The following RBP2 variants were observed in gnomAD, a reference collection of about 807,000 sequenced individuals.
RBP2 encodes the protein retinol-binding protein 2.
In RBP2, 17 loss-of-function variants were observed where a neutral mutation model predicts 17.0. The ratio of observed to expected loss-of-function variants is 1.00; its 90% confidence interval spans 0.68 to 1.50. RBP2 has a LOEUF of 1.50. Ranked by LOEUF, RBP2 falls within the 40% of genes most tolerant of loss-of-function variation. RBP2 has a pLI of 0.00. For missense variants in RBP2, 158 were observed against 168.2 expected (o/e 0.94, Z 0.33); for synonymous variants, 48 against 57.1 (o/e 0.84, Z 0.72).
chr3:139,468,739 C>T (rs558699919), intron 1 of RBP2, among the ~76,000 whole-genome samples: 2 of 152,092 alleles, frequency 1.3e-5, no homozygotes, highest in South Asian at 4.1e-4. Context: ...AATTATTTTC[C>T]TGGTATGGTA....
intron 1 of RBP2, among the ~76,000 whole-genome samples, chr3:139,474,067 T>C (rs1933649343): frequency 6.6e-6 from 1 of 152,236 alleles, no homozygotes; most frequent in African/African-American, 2.4e-5. Flanking sequence ...ACTTGCTCAT[T>C]AGAGTGAAAT....
At position 139,454,799 on chromosome 3, in the gene RBP2, A is replaced by T. The variant is rs1281373267; in HGVS notation, c.284T>A (p.Val95Glu). The T allele has an allele frequency of 2.5e-6, 4 of 1,614,060 alleles. No individual in the cohort carries two copies. The highest frequency in any genetic ancestry group is 3.4e-6 in the Non-Finnish European group (4 of 1,180,032). Residue 95 changes from valine (V) to glutamate (E), a missense_variant, in exon 3 of 4, where the codon GTG becomes GAG. Physicochemically the swap from Val to Glu is moderately radical, Grantham distance 121. Transcript: ENST00000232217. ...ALVTWEGDVL[V>E]CVQKGEKENR... ...CTCCTTCTCCCCCTTTTGCACACAC[A>T]CAAGGACATCACCTTCCCAGGTGAC...
In RBP2 at chr3:139,462,355, A is replaced by G. The variant is rs555455425; in HGVS notation, c.74-65T>C. On this transcript the variant is annotated intron_variant, in intron 1 of 3. Transcript: ENST00000232217. ...GCCAGACTCATTCATTTCGTTAACA[A>G]GACCAAACATTCAAGACTAGAGACA... 2.6e-6 allele frequency: 4 copies of G among 1,511,304 alleles called. No individual in the cohort carries two copies. The South Asian group carries it at 4.6e-5, about 18-fold the overall frequency. 93.6% of individuals were successfully genotyped at this position (1,511,304 alleles called of 1,614,324 possible).
At chr3:139,459,400 A>ATATGTGTGTGTGTGTGTG (rs111417242) in intron 2 of RBP2, among the ~76,000 whole-genome samples, 61 of 128,562 alleles carry the variant, frequency 4.7e-4, no homozygotes, top group South Asian at 1.3e-3. Flanking sequence ...TACTATATAT[A>ATATGTGTGTGTGTGTGTG]TGTGTGTGTG....
intron 1 of RBP2, among the ~76,000 whole-genome samples, chr3:139,469,736 C>CTAT (rs1397190307): frequency 6.7e-5 from 8 of 119,058 alleles, no homozygotes; most frequent in East Asian, 6.7e-4. Context: ...TATCTATCTA[C>CTAT]CTACTCATTT....
intron 1 of RBP2, among the ~76,000 whole-genome samples, chr3:139,471,628 A>C (rs1247300910): frequency 1.3e-5 from 2 of 152,214 alleles, no homozygotes; most frequent in African/African-American, 4.8e-5. Context: ...AAGAGGTATA[A>C]ATTTAACATC....
chr3:139,457,294 A>G (rs1933005059), intron 2 of RBP2, among the ~76,000 whole-genome samples: 1 of 152,208 alleles, frequency 6.6e-6, no homozygotes, highest in African/African-American at 2.4e-5. Context: ...GTACATCAAT[A>G]TGGTCATTGT....
chr3:139,464,198 G>A (rs1245835969), intron 1 of RBP2, among the ~76,000 whole-genome samples: 1 of 152,078 alleles, frequency 6.6e-6, no homozygotes, highest in Admixed American at 6.6e-5. Flanking sequence ...GGTGGCTCAC[G>A]CCTGTAATCC....
intron 1 of RBP2, among the ~76,000 whole-genome samples, chr3:139,471,296 C>G (rs149800944): frequency 0.011 from 1,671 of 152,320 alleles, 11 homozygotes; most frequent in Non-Finnish European, 0.016. Context: ...TGCTTGTGCT[C>G]ACCCATCATG....
intron 1 of RBP2, among the ~76,000 whole-genome samples, chr3:139,464,579 G>A (rs966198118): frequency 9.9e-5 from 15 of 152,156 alleles, no homozygotes; most frequent in African/African-American, 3.1e-4. Context: ...CATGAGAAAG[G>A]GCCCTGGGTA....
At chr3:139,458,060 G>A (rs571076105) in intron 2 of RBP2, among the ~76,000 whole-genome samples, 49 of 152,316 alleles carry the variant, frequency 3.2e-4, no homozygotes, top group Admixed American at 7.8e-4. Flanking sequence ...AAAAATATTT[G>A]TATGTTAGAG....
intron 2 of RBP2, 131 bp from the exon 3 acceptor site, chr3:139,454,961 G>A: frequency 1.2e-6 from 1 of 815,142 alleles, no homozygotes; most frequent in Non-Finnish European, 2.0e-6. Flanking sequence ...CTCAGCCTCA[G>A]GGAGCCAAGA....
Position 139,460,739 on chromosome 3 carries a change from T to C in RBP2, c.252+1373A>G, listed in dbSNP as rs960635024. On this transcript the variant is annotated intron_variant, in intron 2 of 3. Coordinates refer to ENST00000232217, the MANE Select transcript of RBP2 (RefSeq NM_004164.3). ...GTGTTGCTTGCTTTGTTGTGGCACT[T>C]GAAGGGCTGGCCCTTTGCCGGGGGT... 2.0e-5 allele frequency among the ~76,000 whole-genome samples: 3 copies of C among 152,080 alleles called. No homozygotes were observed. In the East Asian group the frequency reaches 5.8e-4, roughly 29 times the overall value.
At chr3:139,458,602 G>A (rs114584723) in intron 2 of RBP2, among the ~76,000 whole-genome samples, 232 of 152,314 alleles carry the variant, frequency 1.5e-3, no homozygotes, top group African/African-American at 5.1e-3. Context: ...GAACCCCTAT[G>A]TACTAGCAAT....
intron 1 of RBP2, among the ~76,000 whole-genome samples, chr3:139,471,241 TA>T (rs1933556602): frequency 1.3e-5 from 2 of 152,340 alleles, no homozygotes; most frequent in African/African-American, 4.8e-5. Context: ...AAGAAATGCA[TA>T]TAAAGCTCTA....
chr3:139,457,185 G>A (rs1933000960), intron 2 of RBP2, among the ~76,000 whole-genome samples: 1 of 152,246 alleles, frequency 6.6e-6, no homozygotes, highest in Admixed American at 6.5e-5. Flanking sequence ...ACAGTGATCA[G>A]CATTGTTGAA....
chr3:139,462,391 G>GTCTC, intron 1 of RBP2, 101 bp from the exon 2 acceptor site: 1 of 1,209,318 alleles, frequency 8.3e-7, no homozygotes, highest in Non-Finnish European at 1.2e-6. Flanking sequence ...CAGATTGTGT[G>GTCTC]TAGGCCACCT....
At chr3:139,474,129 A>G (rs1183507709) in intron 1 of RBP2, among the ~76,000 whole-genome samples, 1 of 152,206 alleles carries the variant, frequency 6.6e-6, no homozygotes, top group African/African-American at 2.4e-5. Context: ...TTAAGAGACA[A>G]TAAATATTTG....
intron 2 of RBP2, 52 bp downstream of exon 2, chr3:139,462,060 C>T: frequency 6.4e-7 from 1 of 1,559,766 alleles, no homozygotes; most frequent in Non-Finnish European, 8.7e-7. Context: ...TACCAAATAG[C>T]CAGCCCCTGG....
Sources: allele counts gnomAD v4.1 joint callset (sites outside exome capture counted in the v4.1 genomes callset), GRCh38; gene constraint gnomAD v4.1.1; transcripts MANE v1.5; gene names NCBI Gene and HGNC (gene_info 2026-07-23, HGNC 2026-07-21).